TCTN2: variants seen among roughly 807,000 people sequenced by gnomAD.
TCTN2 encodes the protein tectonic family member 2, also known as tectonic-2.
In TCTN2, 66 loss-of-function variants were observed where a neutral mutation model predicts 83.4. That is an observed-to-expected ratio of 0.79 (90% CI 0.65 to 0.97). TCTN2 has a LOEUF of 0.97. Ranked by LOEUF, TCTN2 falls within the 50% of genes least tolerant of loss-of-function variation. The pLI is 0.00. For missense variants in TCTN2, 794 were observed against 858.1 expected, an observed-to-expected ratio of 0.93 and a Z score of 0.93; for synonymous variants, 301 against 326.7, an observed-to-expected ratio of 0.92 and a Z score of 0.85.
At chr12:123,679,366 AT>A in intron 5 of TCTN2, 77 bp downstream of exon 5, 2 of 1,318,350 alleles carry the variant, frequency 1.5e-6, no homozygotes, top group South Asian at 1.2e-5. Context: ...AGCTTTTTTC[AT>A]TTTTTATTTC....
At chr12:123,688,277 C>G (rs1328964622) in intron 7 of TCTN2, 100 bp downstream of exon 7, 10 of 1,443,842 alleles carry the variant, frequency 6.9e-6, no homozygotes, top group Non-Finnish European at 9.4e-7. Flanking sequence ...AGTGCAGTGC[C>G]AGATCTCGGC....
At chr12:123,683,350 C>T (rs761676486) in intron 5 of TCTN2, among the ~76,000 whole-genome samples, 2 of 150,796 alleles carry the variant, frequency 1.3e-5, no homozygotes, top group Admixed American at 6.6e-5. Flanking sequence ...GTGCCATCTC[C>T]GCTCACTGCA....
Position 123,688,112 on chromosome 12 carries a change from G to A in TCTN2, c.826G>A (p.Asp276Asn). The change falls in exon 7 of 18, where the codon GAC (aspartate) becomes AAC (asparagine). Residue 276 changes from aspartate (D) to asparagine (N), a missense_variant. By Grantham distance (23) the Asp-to-Asn change is conservative (BLOSUM62 1). Coordinates refer to ENST00000303372, the MANE Select transcript of TCTN2 (RefSeq NM_024809.5). ...YVDTDAKDFA[D>N]FGYKQGDPIM... ...GGATACTGACGCAAAAGACTTTGCA[G>A]ACTTTGGTTACAAACAAGGAGATCC... is the stretch of plus-strand genomic sequence containing the variant. The A allele has an allele frequency of 6.2e-7, 1 of 1,614,004 alleles. No homozygotes were observed. The highest frequency in any genetic ancestry group is 2.2e-5 in the East Asian group (1 of 44,884).
Position 123,699,826 on chromosome 12 carries a change from G to T in TCTN2, c.1612+16G>T. On this transcript the variant is annotated intron_variant, in intron 14 of 17. Transcript: ENST00000303372. The stretch of plus-strand genomic sequence containing the variant: ...GAAATAATACGTAAGTCAAACCCGG[G>T]TACAATAAAGCCTGTAACTTGGTTG... 3 of 1,602,788 alleles carry T rather than the reference G, an allele frequency of 1.9e-6. No individual in the cohort carries two copies. The highest frequency in any genetic ancestry group is 2.6e-6 in the Non-Finnish European group (3 of 1,169,830).
At chr12:123,677,299 T>C (rs1955835806) in intron 4 of TCTN2, among the ~76,000 whole-genome samples, 1 of 152,240 alleles carries the variant, frequency 6.6e-6, no homozygotes, top group South Asian at 2.1e-4. Context: ...CCGGATACCA[T>C]TGATGTATCA....
rs146015594 is a variant in TCTN2 at position 123,696,252 on chromosome 12, GT to G, written c.1313-155del. The stretch of plus-strand genomic sequence containing the variant: ...GAAGCATTCTTTCTCTTTAGCTACT[GT>G]TTTTTTTGAGACCCGAAGTTGCCAT... On this transcript the variant is annotated intron_variant, in intron 11 of 17. Coordinates refer to ENST00000303372, the MANE Select transcript of TCTN2 (RefSeq NM_024809.5). The G allele has an allele frequency of 0.029, 18,813 of 657,530 alleles. 537 individuals are homozygous for G. Among genetic ancestry groups the G allele is most frequent in the African/African-American group, 0.1 (5,610 of 54,800 alleles). 40.7% of individuals were successfully genotyped at this position (657,530 alleles called of 1,614,324 possible).
intron 13 of TCTN2, among the ~76,000 whole-genome samples, chr12:123,699,390 AGC>A (rs1162491553): frequency 6.6e-6 from 1 of 151,878 alleles, no homozygotes; most frequent in Non-Finnish European, 1.5e-5. Context: ...CCTGAGCTCA[AGC>A]AATCCTCCCA....
intron 15 of TCTN2, 118 bp downstream of exon 15, chr12:123,704,806 T>C: frequency 1.8e-6 from 2 of 1,106,198 alleles, no homozygotes; most frequent in Non-Finnish European, 2.7e-6. Flanking sequence ...TTGCAATTAT[T>C]AGCAAGATGT....
rs746508829 is a variant in TCTN2, at chr12:123,697,045, T to G, written c.1394-42T>G. On this transcript the variant is annotated intron_variant, in intron 12 of 17. Coordinates refer to ENST00000303372, the MANE Select transcript of TCTN2 (RefSeq NM_024809.5). ...AAACTGAAGTTAATCTTTACTTTTG[T>G]TTAGCAAAAAGTAGCAAGAGGATAA... The G allele has an allele frequency of 2.0e-6, 3 of 1,500,366 alleles. No homozygotes were observed. The South Asian group carries it at 3.4e-5, about 17-fold the overall frequency. 92.9% of individuals were successfully genotyped at this position (1,500,366 alleles called of 1,614,324 possible). A position where few individuals can be genotyped will look rare whatever the true frequency, so the allele number is the denominator to read the frequency against.
chr12:123,676,819 A>T (rs555116892), intron 4 of TCTN2, among the ~76,000 whole-genome samples: 1 of 152,272 alleles, frequency 6.6e-6, no homozygotes, highest in African/African-American at 2.4e-5. Flanking sequence ...AACAATGTAG[A>T]AAACATAAAT....
At chr12:123,704,883 T>C (rs1212892061) in intron 15 of TCTN2, among the ~76,000 whole-genome samples, 195 bp downstream of exon 15, 2 of 152,170 alleles carry the variant, frequency 1.3e-5, no homozygotes, top group African/African-American at 2.4e-5. Flanking sequence ...CAAGTATTTA[T>C]AAAGCCATAT....
chr12:123,707,118 TA>T (rs748769556), intron 17 of TCTN2, 45 bp downstream of exon 17: 7 of 1,561,724 alleles, frequency 4.5e-6, no homozygotes, highest in African/African-American at 1.4e-5. Context: ...TATGTCAATT[TA>T]AAAAAATTTT....
At chr12:123,696,979 G>A in intron 12 of TCTN2, 108 bp from the exon 13 acceptor site, 1 of 902,096 alleles carries the variant, frequency 1.1e-6, no homozygotes, top group Non-Finnish European at 1.8e-6. Flanking sequence ...TTTGAAAACT[G>A]GCAACTTTAT....
At chr12:123,698,750 G>A (rs78420845) in intron 13 of TCTN2, among the ~76,000 whole-genome samples, 1,905 of 152,216 alleles carry the variant, frequency 0.013, 41 homozygotes, top group African/African-American at 0.043. Flanking sequence ...TCTTACACAC[G>A]TTTTATCTGT....
intron 17 of TCTN2, 194 bp downstream of exon 17, chr12:123,707,267 T>A: frequency 3.2e-6 from 2 of 630,952 alleles, no homozygotes; most frequent in South Asian, 3.9e-5. Flanking sequence ...TTTTTTTTTT[T>A]AGAGAGTCTT....
At chr12:123,676,754 G>T (rs1314560279) in intron 4 of TCTN2, among the ~76,000 whole-genome samples, 1 of 152,054 alleles carries the variant, frequency 6.6e-6, no homozygotes, top group African/African-American at 2.4e-5. Flanking sequence ...ACTAGAAAAA[G>T]AATGGAAGCA....
At chr12:123,672,245 A>G (rs1955763604) in intron 3 of TCTN2, 113 bp downstream of exon 3, 3 of 1,000,046 alleles carry the variant, frequency 3.0e-6, no homozygotes, top group Non-Finnish European at 4.7e-6. Flanking sequence ...CTCAACAATC[A>G]TGAAATTGTG....
intron 11 of TCTN2, chr12:123,695,689 T>G (rs1290387070): frequency 6.0e-6 from 1 of 165,346 alleles, no homozygotes; most frequent in Non-Finnish European, 1.3e-5. Flanking sequence ...AATTTTTATA[T>G]TTTTAGTAGA....
At chr12:123,685,745 AAGCAG>A (rs1351089625) in intron 5 of TCTN2, among the ~76,000 whole-genome samples, 1 of 107,724 alleles carries the variant, frequency 9.3e-6, no homozygotes, top group African/African-American at 4.0e-5. Flanking sequence ...TTTTTTTAAG[AAGCAG>A]GGTCTTGTTC....
Sources: allele counts gnomAD v4.1 joint callset (sites outside exome capture counted in the v4.1 genomes callset), GRCh38; gene constraint gnomAD v4.1.1; transcripts MANE v1.5; gene names NCBI Gene and HGNC (gene_info 2026-07-23, HGNC 2026-07-21).